STK32A: variants seen among roughly 807,000 people sequenced by gnomAD.
The protein encoded by STK32A is serine/threonine-protein kinase 32A.
Under a neutral mutation model 53.2 loss-of-function variants are expected in STK32A, and 41 were observed. The ratio of observed to expected loss-of-function variants is 0.77; its 90% CI spans 0.60 to 1.00. The LOEUF is 1.00. Among genes scored for constraint, STK32A ranks in the 50% least tolerant of loss-of-function variants. The pLI is 0.00. For synonymous variants in STK32A, 166 were observed against 162.8 expected, an observed-to-expected ratio of 1.02 and a Z score of -0.15; for missense variants, 458 against 485.8, an observed-to-expected ratio of 0.94 and a Z score of 0.54.
chr5:147,380,576 G>A (rs1269455356), intron 11 of STK32A, among the ~76,000 whole-genome samples: 2 of 152,116 alleles, frequency 1.3e-5, no homozygotes, highest in Non-Finnish European at 2.9e-5. Context: ...TTTGATCTGG[G>A]TCTAATTCTG....
At chr5:147,339,014 A>T (rs754923335) in intron 5 of STK32A, among the ~76,000 whole-genome samples, 16 of 152,242 alleles carry the variant, frequency 1.1e-4, no homozygotes, top group Non-Finnish European at 2.2e-4. Context: ...TCTGAGGAGA[A>T]ATTCAAACTG....
intron 11 of STK32A, among the ~76,000 whole-genome samples, chr5:147,379,729 TCTC>T (rs1361894435): frequency 1.3e-5 from 2 of 152,154 alleles, no homozygotes; most frequent in Non-Finnish European, 1.5e-5. Context: ...GTCCTCTTGT[TCTC>T]CTTCTGAGAT....
At chr5:147,400,935 T>C in the STK32A span, 1 of 1,454,412 alleles carries the variant, frequency 6.9e-7, no homozygotes, top group East Asian at 2.4e-5. Context: ...CTCTGACTAT[T>C]TGGGTTTGGA....
intron 11 of STK32A, among the ~76,000 whole-genome samples, chr5:147,380,015 A>C (rs768473575): frequency 1.3e-5 from 2 of 152,192 alleles, no homozygotes; most frequent in African/African-American, 4.8e-5. Context: ...CAAGTTGAAC[A>C]TGAACCCTTT....
At chr5:147,273,767 G>A (rs537732396) in intron 2 of STK32A, among the ~76,000 whole-genome samples, 5 of 152,166 alleles carry the variant, frequency 3.3e-5, no homozygotes, top group African/African-American at 9.7e-5. Flanking sequence ...GGATTTTTAT[G>A]TGTAGTTTTG....
intron 6 of STK32A, among the ~76,000 whole-genome samples, chr5:147,349,066 C>T (rs1389871246): frequency 6.6e-6 from 1 of 152,070 alleles, no homozygotes; most frequent in African/African-American, 2.4e-5. Context: ...AATCACTGAT[C>T]CAACACTATG....
intron 2 of STK32A, among the ~76,000 whole-genome samples, chr5:147,271,387 G>A (rs181605893): frequency 2.6e-4 from 40 of 152,152 alleles, no homozygotes; most frequent in African/African-American, 9.4e-4. Flanking sequence ...TCAGGACCCT[G>A]TGATGATTAG....
intron 4 of STK32A, among the ~76,000 whole-genome samples, chr5:147,306,908 T>C (rs1472185514): frequency 6.6e-6 from 1 of 152,188 alleles, no homozygotes; most frequent in Non-Finnish European, 1.5e-5. Flanking sequence ...AGCCTACATG[T>C]AATTGATACA....
At chr5:147,324,482 G>A (rs1754481958) in intron 5 of STK32A, among the ~76,000 whole-genome samples, 1 of 152,192 alleles carries the variant, frequency 6.6e-6, no homozygotes, top group African/African-American at 2.4e-5. Flanking sequence ...CTGTCCTGCA[G>A]TCTATATTAA....
intron 11 of STK32A, chr5:147,375,500 G>A: frequency 3.5e-6 from 1 of 281,690 alleles, no homozygotes; most frequent in South Asian, 6.4e-5. Context: ...AATTTCCTGG[G>A]AGAGGAACTG....
intron 2 of STK32A, among the ~76,000 whole-genome samples, chr5:147,270,247 C>T (rs868577134): frequency 6.6e-6 from 1 of 152,134 alleles, no homozygotes; most frequent in Admixed American, 6.5e-5. Flanking sequence ...CTCTGTCACC[C>T]AGGCTGGGGT....
intron 7 of STK32A, among the ~76,000 whole-genome samples, chr5:147,355,664 C>T (rs1476676917): frequency 1.3e-5 from 2 of 150,948 alleles, no homozygotes; most frequent in East Asian, 3.9e-4. Context: ...GGCGACAGAG[C>T]GAGATTCCGT....
At chr5:147,375,264 T>G in intron 11 of STK32A, 46 bp downstream of exon 11, 1 of 1,592,682 alleles carries the variant, frequency 6.3e-7, no homozygotes, top group Non-Finnish European at 8.5e-7. Context: ...ATCCCCATGA[T>G]GGCTGCAATA....
intron 4 of STK32A, among the ~76,000 whole-genome samples, chr5:147,289,646 CAT>C (rs1041566652): frequency 1.3e-5 from 2 of 151,636 alleles, no homozygotes; most frequent in Non-Finnish European, 2.9e-5. Flanking sequence ...ATGAATATCA[CAT>C]ATATATGTGT....
chr5:147,318,170 A>G (rs545660008), intron 4 of STK32A, among the ~76,000 whole-genome samples: 2 of 152,216 alleles, frequency 1.3e-5, no homozygotes, highest in African/African-American at 4.8e-5. Context: ...TATACTGCAT[A>G]CTATAGTGTG....
chr5:147,368,039 G>A (rs926761072), intron 8 of STK32A, among the ~76,000 whole-genome samples: 23 of 152,288 alleles, frequency 1.5e-4, no homozygotes, highest in Admixed American at 6.5e-4. Context: ...AAATGTGCTC[G>A]AAAACATTCT....
At chr5:147,317,288 C>G (rs1754043204) in intron 4 of STK32A, among the ~76,000 whole-genome samples, 1 of 150,078 alleles carries the variant, frequency 6.7e-6, no homozygotes. Context: ...GAAAATACTA[C>G]AGCAAACATT....
At chr5:147,292,648 C>G (rs1344603459) in intron 4 of STK32A, among the ~76,000 whole-genome samples, 1 of 152,136 alleles carries the variant, frequency 6.6e-6, no homozygotes, top group Admixed American at 6.5e-5. Flanking sequence ...GCAGGTGGAT[C>G]ACCTGAGGTC....
At chr5:147,258,226 C>T (rs1029334341) in intron 2 of STK32A, among the ~76,000 whole-genome samples, 1 of 143,772 alleles carries the variant, frequency 7.0e-6, no homozygotes, top group South Asian at 2.2e-4. Context: ...ATTTTAATGT[C>T]CAGTTCACAG....
Sources: gnomAD v4.1 joint callset for allele counts (sites outside exome capture counted in the v4.1 genomes callset) on GRCh38, gnomAD v4.1.1 for gene constraint, MANE v1.5 for transcripts, NCBI Gene and HGNC (gene_info 2026-07-23, HGNC 2026-07-21) for gene names.